The following E2F7 variants were observed in gnomAD, a reference collection of about 807,000 sequenced individuals.
E2F7 encodes the protein E2F transcription factor 7, also known as transcription factor E2F7.
E2F7 carries 35 observed loss-of-function variants against 81.1 expected under a neutral mutation model. The ratio of observed to expected loss-of-function variants is 0.43; its 90% CI spans 0.33 to 0.57. The LOEUF (loss-of-function observed/expected upper bound fraction) is 0.57. E2F7 is among the 20% of genes least tolerant of loss of function. The pLI, the probability that E2F7 is intolerant of heterozygous loss-of-function variation, is 0.04. For synonymous variants in E2F7, 416 were observed against 416.2 expected (o/e 1.00, Z 0.01); for missense variants, 961 against 1,093.7 (o/e 0.88, Z 1.71).
chr12:77,034,289 C>T (rs1316806303), intron 7 of E2F7, among the ~76,000 whole-genome samples: 1 of 151,946 alleles, frequency 6.6e-6, no homozygotes, highest in Non-Finnish European at 1.5e-5. Context: ...CTAAAATTAT[C>T]TGAATTGCAA....
At chr12:77,043,553 C>T (rs1421256418) in intron 6 of E2F7, among the ~76,000 whole-genome samples, 1 of 151,800 alleles carries the variant, frequency 6.6e-6, no homozygotes, top group African/African-American at 2.4e-5. Context: ...AAAAGCATGC[C>T]CTGAGTTTCT....
chr12:77,046,077 G>C lies in E2F7; in HGVS notation c.790C>G (p.Gln264Glu), dbSNP rs777849013. The C allele has an allele frequency of 6.2e-7, 1 of 1,614,196 alleles. No individual in the cohort carries two copies. Among genetic ancestry groups the C allele is most frequent in the East Asian group, 2.2e-5 (1 of 44,884 alleles). The change falls in exon 5 of 13, where the codon CAA becomes GAA. Residue 264 changes from glutamine (Q) to glutamate (E), a missense_variant. Gln to Glu is a conservative substitution (Grantham distance 29). Coordinates refer to ENST00000322886, the MANE Select transcript of E2F7 (RefSeq NM_203394.3). Reference sequence around the variant, plus strand: ...GGTTCAGAGAAATCCAGTAACTGTTGTTCCTGGGAATCTGGATCACCATCT... The same window carrying C: ...GGTTCAGAGAAATCCAGTAACTGTTCTTCCTGGGAATCTGGATCACCATCT... ...KKDGDPDSQE[Q>E]QLLDFSEPDC...
At position 77,043,089 on chromosome 12, in the gene E2F7, C is replaced by T. The variant is rs1465511432; in HGVS notation, c.1099G>A (p.Gly367Arg). The change falls in exon 7 of 13, where the codon GGG becomes AGG. Residue 367 changes from glycine to arginine, a missense_variant. Physicochemically the swap from Gly to Arg is moderately radical, Grantham distance 125 (BLOSUM62 -2). Transcript: ENST00000322886. ...RGRKPAFKWIGPVDFSSSDEE... is the reference protein window; with the variant it reads ...RGRKPAFKWIRPVDFSSSDEE... ...CCACTTGAGCTGAAGTCCACAGGCC[C>T]GATCCACTTGAAGGCTGGTTTACGA... 4 of 1,613,970 alleles carry T rather than the reference C, an allele frequency of 2.5e-6. No homozygotes were observed. The African/African-American group carries it at 4.0e-5, about 16-fold the overall frequency.
At chr12:77,055,780 A>G in intron 3 of E2F7, 75 bp downstream of exon 3, 1 of 1,495,324 alleles carries the variant, frequency 6.7e-7, no homozygotes, top group Non-Finnish European at 8.9e-7. Flanking sequence ...AAAAGTTGAC[A>G]GTTCTATGAT....
At chr12:77,043,517 T>G (rs748540303) in intron 6 of E2F7, among the ~76,000 whole-genome samples, 4 of 152,058 alleles carry the variant, frequency 2.6e-5, no homozygotes, top group Non-Finnish European at 4.4e-5. Context: ...AAAAGCTTAG[T>G]AAATGTAATT....
Position 77,026,100 on chromosome 12 carries a change from G to T in E2F7, c.2141-118C>A, listed in dbSNP as rs1256093343. The T allele has an allele frequency of 2.4e-6, 3 of 1,237,272 alleles. No individual in the cohort carries two copies. In the African/African-American group the frequency reaches 4.6e-5, roughly 19 times the overall value. The allele number at this position is 1,237,272 out of a possible 1,614,324, so 76.6% of individuals were successfully genotyped here. On this transcript the variant is annotated intron_variant, in intron 11 of 12. Transcript: ENST00000322886. ...TCCACAATAAATCAATGAATGATGA[G>T]ACCTTCCCCCAGCTGACCAGGCCAA...
chr12:77,040,607 G>C (rs1467210673), intron 7 of E2F7, among the ~76,000 whole-genome samples: 1 of 152,126 alleles, frequency 6.6e-6, no homozygotes, highest in African/African-American at 2.4e-5. Context: ...AACCATACAT[G>C]ATTCACTTAC....
Position 77,025,828 on chromosome 12 carries a change from C to A in E2F7, c.2295G>T (p.Pro765=). The change falls in exon 12 of 13, where the codon CCG becomes CCT. Residue 765 remains proline (P), a synonymous_variant. Transcript: ENST00000322886. ...PFPVLYSPAM[P]GPVSSTLGAL... Reference sequence around the variant, plus strand: ...CACCAAGAGTAGAAGAAACCGGGCCCGGCATTGCAGGAGAATAGAGAACAG... The same window carrying A: ...CACCAAGAGTAGAAGAAACCGGGCCAGGCATTGCAGGAGAATAGAGAACAG... 6.2e-7 allele frequency: 1 copy of A among 1,613,924 alleles called. No homozygotes were observed. The highest frequency in any genetic ancestry group is 8.5e-7 in the Non-Finnish European group (1 of 1,179,980).
intron 9 of E2F7, among the ~76,000 whole-genome samples, chr12:77,030,963 A>G (rs1404300455): frequency 1.3e-5 from 2 of 152,256 alleles, no homozygotes; most frequent in African/African-American, 4.8e-5. Context: ...TGAAGTGGAC[A>G]GTGAGGAAAC....
At chr12:77,061,460 C>T (rs918823341) in intron 2 of E2F7, among the ~76,000 whole-genome samples, 1 of 152,216 alleles carries the variant, frequency 6.6e-6, no homozygotes, top group African/African-American at 2.4e-5. Flanking sequence ...AGTATTCCTT[C>T]CTTCCAGCCA....
chr12:77,029,429 A>G (rs564810845), intron 10 of E2F7, among the ~76,000 whole-genome samples: 4 of 152,342 alleles, frequency 2.6e-5, no homozygotes, highest in African/African-American at 9.6e-5. Flanking sequence ...TCTGATAGCC[A>G]GACAGCACCC....
chr12:77,044,475 A>T, intron 6 of E2F7, 162 bp downstream of exon 6: 2 of 815,354 alleles, frequency 2.5e-6, no homozygotes, highest in Non-Finnish European at 3.8e-6. Context: ...CTAGTAGGTG[A>T]CTAACTTACC....
At position 77,024,184 on chromosome 12, in the gene E2F7, G is replaced by A. The variant is rs200694984; in HGVS notation, c.2567C>T (p.Ser856Leu). The A allele has an allele frequency of 1.9e-6, 3 of 1,609,222 alleles. No individual in the cohort carries two copies. Among genetic ancestry groups the A allele is most frequent in the East Asian group, 4.5e-5 (2 of 44,856 alleles). Residue 856 changes from serine (S) to leucine (L), a missense_variant and splice_region_variant, in exon 13 of 13, where the codon TCA becomes TTA. By Grantham distance (145) the Ser-to-Leu change is moderately radical (BLOSUM62 -2). Around this residue, in one of 3 missense-constraint regions of E2F7, gnomAD observed 587 missense variants for 620.3 expected, o/e 0.95. Coordinates refer to ENST00000322886, the MANE Select transcript of E2F7 (RefSeq NM_203394.3). Reference protein sequence around the residue: ...HPVSVVKLHQSPVPVTPKSIQ... With the variant: ...HPVSVVKLHQLPVPVTPKSIQ... ...GCTCTTGGGGGTCACTGGAACTGGT[G>A]ACTGAAAAAAGAAAAAAGAAAAAAC...
At chr12:77,064,679 A>G (rs768199990) in intron 1 of E2F7, 44 bp from the exon 2 acceptor site, 1 of 1,562,460 alleles carries the variant, frequency 6.4e-7, no homozygotes, top group African/African-American at 1.4e-5. Flanking sequence ...GCAATTAGGT[A>G]TTTTTTCCTC....
At position 77,032,974 on chromosome 12, in the gene E2F7, G is replaced by T. The variant is rs1592556138; in HGVS notation, c.1382+76C>A. On this transcript the variant is annotated intron_variant, in intron 9 of 12. Coordinates refer to ENST00000322886, the MANE Select transcript of E2F7 (RefSeq NM_203394.3). ...TGACCTAAATTTTTTCTTTTGATGG[G>T]TGGCACTGCAATTTAGTCAAAGTTA... 49 of 1,404,782 alleles carry T rather than the reference G, an allele frequency of 3.5e-5. No individual in the cohort carries two copies. In the East Asian group the frequency reaches 1.1e-3, roughly 32 times the overall value. 87.0% of individuals were successfully genotyped at this position (1,404,782 alleles called of 1,614,324 possible).
chr12:77,044,790 C>A lies in E2F7; in HGVS notation c.835G>T (p.Ala279Ser). The change falls in exon 6 of 13, where the codon GCA (alanine) becomes TCA (serine). Residue 279 changes from alanine (A) to serine (S), a missense_variant. Ala to Ser is a moderately conservative substitution (Grantham distance 99, BLOSUM62 1). This residue lies in a region of E2F7 where 301 missense variants were observed against 405.0 expected (regional missense o/e 0.74). Transcript: ENST00000322886. ...AGAGACTTGTCTTTTCTACTGTTTG[C>A]AGATGCTACACAAGGAATGAAACAA... ...FSEPDCPSSS[A>S]NSRKDKSLRI... The A allele has an allele frequency of 6.2e-7, 1 of 1,613,456 alleles. No individual in the cohort carries two copies. Among genetic ancestry groups the A allele is most frequent in the Non-Finnish European group, 8.5e-7 (1 of 1,179,832 alleles).
chr12:77,042,767 T>G (rs559718458), intron 7 of E2F7, among the ~76,000 whole-genome samples: 14 of 152,230 alleles, frequency 9.2e-5, no homozygotes, highest in Non-Finnish European at 1.6e-4. Flanking sequence ...AGAGGTGTCA[T>G]TTTTAATTCT....
chr12:77,029,707 G>A, intron 10 of E2F7, 124 bp downstream of exon 10: 1 of 1,451,260 alleles, frequency 6.9e-7, no homozygotes, highest in Non-Finnish European at 9.3e-7. Context: ...GCTTAATTAT[G>A]CAAGTGACAT....
chr12:77,057,881 T>C (rs1955046727), intron 2 of E2F7, among the ~76,000 whole-genome samples: 1 of 152,184 alleles, frequency 6.6e-6, no homozygotes, highest in Non-Finnish European at 1.5e-5. Context: ...CCCTGTACAT[T>C]CTGTATAGCT....
Sources: gnomAD v4.1 joint callset for allele counts (sites outside exome capture counted in the v4.1 genomes callset) on GRCh38, gnomAD v4.1.1 for gene constraint, gnomAD v4.1.1 regional missense constraint, MANE v1.5 for transcripts, NCBI Gene and HGNC (gene_info 2026-07-23, HGNC 2026-07-21) for gene names.